Variants in DMD observed in about 807,000 individuals in gnomAD.
The protein encoded by DMD is dystrophin.
A neutral mutation model predicts 330.1 loss-of-function variants in DMD; 63 were observed. The ratio of observed to expected loss-of-function variants is 0.19; its 90% CI spans 0.16 to 0.24. The LOEUF is 0.24. Among genes scored for constraint, DMD ranks in the 10% least tolerant of loss-of-function variants. DMD has a pLI of 1.00. For synonymous variants in DMD, 1,223 were observed against 959.8 expected, an observed-to-expected ratio of 1.27 and a Z score of -5.07; for missense variants, 3,344 against 2,684.1, an observed-to-expected ratio of 1.25 and a Z score of -5.43.
chrX:32,300,104 G>A (rs2097516148), intron 42 of DMD, among the ~76,000 whole-genome samples: 1 of 111,914 alleles, frequency 8.9e-6, no homozygotes, highest in African/African-American at 3.2e-5. Context: ...CTTTTAGAAT[G>A]TTAAGCATAG....
intron 2 of DMD, among the ~76,000 whole-genome samples, chrX:32,970,559 G>A (rs1431217267): frequency 1.1e-5 from 1 of 92,857 alleles, no homozygotes; most frequent in Non-Finnish European, 2.0e-5. Flanking sequence ...GCTTGAACCC[G>A]GGAGGCGGAG....
intron 7 of DMD, among the ~76,000 whole-genome samples, chrX:32,719,552 T>A (rs926315656): frequency 8.9e-6 from 1 of 111,737 alleles, no homozygotes; most frequent in Admixed American, 9.5e-5. Flanking sequence ...CTGATTATGT[T>A]AATATGCATT....
chrX:33,283,553 A>G (rs2053375371), intron 1 of DMD, among the ~76,000 whole-genome samples: 1 of 109,068 alleles, frequency 9.2e-6, no homozygotes, highest in African/African-American at 3.3e-5. Context: ...AACATCAACT[A>G]TACCAAGTGA....
chrX:32,326,157 C>T (rs113517851), intron 41 of DMD, among the ~76,000 whole-genome samples: 2,457 of 111,683 alleles, frequency 0.022, 68 homozygotes, highest in African/African-American at 0.075. Context: ...TTGTGATATA[C>T]TGATAACAGT....
chrX:32,649,607 G>A (rs1321443492), intron 9 of DMD, among the ~76,000 whole-genome samples: 1 of 99,802 alleles, frequency 1.0e-5, no homozygotes, highest in Non-Finnish European at 2.0e-5. Flanking sequence ...AAAGGAGAAA[G>A]GTAAAAAAAT....
intron 11 of DMD, among the ~76,000 whole-genome samples, chrX:32,637,386 A>G (rs1397807296): frequency 8.9e-6 from 1 of 112,070 alleles, no homozygotes; most frequent in Non-Finnish European, 1.9e-5. Flanking sequence ...GAATTTTTGT[A>G]CTAAGATTAA....
At chrX:32,486,991 T>C (rs934955347) in intron 20 of DMD, among the ~76,000 whole-genome samples, 1 of 110,506 alleles carries the variant, frequency 9.0e-6, no homozygotes, top group African/African-American at 3.3e-5. Flanking sequence ...AAAAGACAAA[T>C]TGACAAATGG....
intron 7 of DMD, among the ~76,000 whole-genome samples, chrX:32,766,821 G>T (rs2073050458): frequency 9.0e-6 from 1 of 111,443 alleles, no homozygotes; most frequent in South Asian, 3.7e-4. Flanking sequence ...TAACTAGCTT[G>T]ATTTAATTAC....
intron 41 of DMD, among the ~76,000 whole-genome samples, chrX:32,328,244 G>A (rs565664708): frequency 1.0e-3 from 114 of 111,310 alleles, no homozygotes; most frequent in African/African-American, 3.4e-3. Flanking sequence ...AATATCATCA[G>A]GAAATGATAC....
At chrX:33,177,794 A>G (rs2049755905) in intron 1 of DMD, among the ~76,000 whole-genome samples, 1 of 112,388 alleles carries the variant, frequency 8.9e-6, no homozygotes, top group Non-Finnish European at 1.9e-5. Flanking sequence ...TGTGCAACAG[A>G]TATCCAGAAC....
rs747207389 is a variant in DMD at position 33,333,323 on chromosome X, A to G, written c.7+5936T>C. Among the ~76,000 whole-genome samples, 5 of 109,430 alleles carry G rather than the reference A, an allele frequency of 4.6e-5. No individual in the cohort carries two copies. In the East Asian group the frequency reaches 1.4e-3, roughly 31 times the overall value. On this transcript the variant is annotated intron_variant, in intron 1 of 17. Transcript: ENST00000288447. ...GTGAAATTATTTTCAAATACACAAAAAAAGCTCCCCCACGACAACTTTTTC... is the reference window on the plus strand; with the variant it reads ...GTGAAATTATTTTCAAATACACAAAGAAAGCTCCCCCACGACAACTTTTTC...
At chrX:32,328,803 C>A (rs1224323645) in intron 41 of DMD, among the ~76,000 whole-genome samples, 1 of 111,102 alleles carries the variant, frequency 9.0e-6, no homozygotes, top group African/African-American at 3.3e-5. Flanking sequence ...TTAATACCTC[C>A]AAAACTGTTG....
chrX:32,851,351 A>G (rs1342514149), intron 2 of DMD, among the ~76,000 whole-genome samples: 1 of 112,159 alleles, frequency 8.9e-6, no homozygotes, highest in Non-Finnish European at 1.9e-5. Flanking sequence ...GACAAAAATT[A>G]TGAGTTATTC....
At chrX:32,886,438 C>T (rs1183039646) in intron 2 of DMD, among the ~76,000 whole-genome samples, 2 of 110,834 alleles carry the variant, frequency 1.8e-5, no homozygotes, top group African/African-American at 6.6e-5. Flanking sequence ...AATCCCAGCA[C>T]TTTGGGAGGC....
intron 52 of DMD, among the ~76,000 whole-genome samples, chrX:31,689,782 A>G (rs1221472453): frequency 9.0e-6 from 1 of 111,615 alleles, no homozygotes; most frequent in Non-Finnish European, 1.9e-5. Flanking sequence ...ATATACACCA[A>G]TGGAACAGAA....
chrX:33,058,787 G>A lies in DMD; in HGVS notation c.32-38587C>T, dbSNP rs776257161. ...TTGTCTTATTATATTTTAACCATTC[G>A]GATGCATATATAGGGGTATTCAAAA... On this transcript the variant is annotated intron_variant, in intron 1 of 78. Coordinates refer to ENST00000357033, the MANE Select transcript of DMD (RefSeq NM_004006.3). 4.5e-5 allele frequency among the ~76,000 whole-genome samples: 5 copies of A among 111,340 alleles called. No individual in the cohort carries two copies. The South Asian group carries it at 1.9e-3, about 42-fold the overall frequency.
intron 29 of DMD, among the ~76,000 whole-genome samples, chrX:32,433,406 G>C: frequency 8.9e-6 from 1 of 111,760 alleles, no homozygotes; most frequent in East Asian, 2.8e-4. Flanking sequence ...GGCCGGATGC[G>C]GTGGCTCACG....
chrX:32,813,845 T>C (rs1569527598), intron 6 of DMD, among the ~76,000 whole-genome samples: 1 of 111,939 alleles, frequency 8.9e-6, no homozygotes, highest in African/African-American at 3.2e-5. Flanking sequence ...ACTCATACCA[T>C]TTAATGTAAT....
intron 29 of DMD, chrX:32,412,270 T>C: frequency 3.1e-6 from 3 of 962,938 alleles, no homozygotes; most frequent in Non-Finnish European, 4.1e-6. Flanking sequence ...TTCAAGAGAT[T>C]TGGTTTGCTT....
Sources: gnomAD v4.1 joint callset for allele counts (sites outside exome capture counted in the v4.1 genomes callset) on GRCh38, gnomAD v4.1.1 for gene constraint, MANE v1.5 for transcripts, NCBI Gene and HGNC (gene_info 2026-07-23, HGNC 2026-07-21) for gene names.